The following RAB21 variants were observed in gnomAD, a reference collection of about 807,000 sequenced individuals.
RAB21 encodes the protein RAB21, member RAS oncogene family.
A neutral mutation model predicts 33.1 loss-of-function variants in RAB21; 13 were observed. The observed-to-expected ratio is 0.39, with a 90% CI of 0.26 to 0.62. The LOEUF is 0.62. RAB21 is among the 20% of genes least tolerant of loss of function. The probability of loss-of-function intolerance (pLI) is 0.48; values close to 1 mark genes in which losing one functional copy is unlikely to be tolerated. For synonymous variants in RAB21, 91 were observed against 103.7 expected, an observed-to-expected ratio of 0.88 and a Z score of 0.74; for missense variants, 234 against 279.1, an observed-to-expected ratio of 0.84 and a Z score of 1.15.
chr12:71,770,723 C>A, intron 3 of RAB21, 24 bp downstream of exon 3: 1 of 1,414,146 alleles, frequency 7.1e-7, no homozygotes, highest in South Asian at 1.2e-5. Context: ...GGGTAGATGT[C>A]TTAGAAGAAC....
In RAB21 at chr12:71,792,236, A is replaced by G. The variant is rs1205808600; in HGVS notation, c.*6563A>G. The G allele has an allele frequency of 2.0e-5, 3 of 152,224 alleles. No homozygotes were observed. Among genetic ancestry groups the G allele is most frequent in the African/African-American group, 4.8e-5 (2 of 41,456 alleles). 9.4% of individuals were successfully genotyped at this position (152,224 alleles called of 1,614,324 possible). On this transcript the variant is annotated 3_prime_UTR_variant, in exon 7 of 7. Coordinates refer to ENST00000261263, the MANE Select transcript of RAB21 (RefSeq NM_014999.4). ...ATAGTTCTGGAACTAGAAGTTAACTACTTACTGGACTTTTGAGATGTAAGT... is the reference window on the plus strand; with the variant it reads ...ATAGTTCTGGAACTAGAAGTTAACTGCTTACTGGACTTTTGAGATGTAAGT...
At chr12:71,768,008 A>G (rs1249777851) in intron 1 of RAB21, among the ~76,000 whole-genome samples, 10 of 152,226 alleles carry the variant, frequency 6.6e-5, no homozygotes, top group Admixed American at 5.2e-4. Flanking sequence ...CTCCTATGCT[A>G]GCATGAATGG....
chr12:71,778,034 A>G (rs1414522421), intron 4 of RAB21, among the ~76,000 whole-genome samples: 1 of 152,208 alleles, frequency 6.6e-6, no homozygotes, highest in East Asian at 1.9e-4. Context: ...GCTTGTTCTC[A>G]TGTAACTATT....
In RAB21 at chr12:71,784,009, T is replaced by C. The variant is rs1354083111; in HGVS notation, c.535+1351T>C. ...TATATAACATGTACAAGTACTAATATGTACATTTTAAAACATACCTAAAAA... is the reference window on the plus strand; with the variant it reads ...TATATAACATGTACAAGTACTAATACGTACATTTTAAAACATACCTAAAAA... On this transcript the variant is annotated intron_variant, in intron 6 of 6. Transcript: ENST00000261263. 2.6e-5 allele frequency among the ~76,000 whole-genome samples: 4 copies of C among 152,232 alleles called. 1 individual carries two copies. The South Asian group carries it at 6.2e-4, about 24-fold the overall frequency.
At chr12:71,782,177 T>A in intron 5 of RAB21, 92 bp downstream of exon 5, 1 of 1,191,582 alleles carries the variant, frequency 8.4e-7, no homozygotes, top group Non-Finnish European at 1.2e-6. Context: ...ATTACTCAAA[T>A]CTCTTAGCAT....
rs201592254 is a variant in RAB21 at position 71,785,705 on chromosome 12, C to T, written c.*32C>T. The T allele has an allele frequency of 2.5e-6, 4 of 1,611,838 alleles. No homozygotes were observed. The highest frequency in any genetic ancestry group is 3.4e-6 in the Non-Finnish European group (4 of 1,178,460). ...ACGCCTAAGAAATTAAAAGACAGAA[C>T]AAAACTGTGGATCATTGCCCTCAAC... On this transcript the variant is annotated 3_prime_UTR_variant, in exon 7 of 7. Coordinates refer to ENST00000261263, the MANE Select transcript of RAB21 (RefSeq NM_014999.4).
chr12:71,773,350 A>T (rs1323136994), intron 3 of RAB21, among the ~76,000 whole-genome samples: 1 of 152,172 alleles, frequency 6.6e-6, no homozygotes, highest in Non-Finnish European at 1.5e-5. Flanking sequence ...AGTGGGTAGG[A>T]AGTCAGGGAT....
At position 71,787,659 on chromosome 12, in the gene RAB21, G is replaced by A. The variant is rs1192880817; in HGVS notation, c.*1986G>A. ...ACTTAAACTGGGAGGCATTCTGTGAGCCTTCACTTTACCTTCTTTAATTAT... is the reference window on the plus strand; with the variant it reads ...ACTTAAACTGGGAGGCATTCTGTGAACCTTCACTTTACCTTCTTTAATTAT... On this transcript the variant is annotated 3_prime_UTR_variant, in exon 7 of 7. Coordinates refer to ENST00000261263, the MANE Select transcript of RAB21 (RefSeq NM_014999.4). 6.6e-6 allele frequency: 1 copy of A among 152,180 alleles called. No homozygotes were observed. The highest frequency in any genetic ancestry group is 1.5e-5 in the Non-Finnish European group (1 of 68,030). The allele number at this position is 152,180 out of a possible 1,614,324, so 9.4% of individuals were successfully genotyped here.
chr12:71,771,305 A>G (rs1035038443), intron 3 of RAB21, among the ~76,000 whole-genome samples: 4 of 152,324 alleles, frequency 2.6e-5, no homozygotes, highest in East Asian at 1.9e-4. Context: ...TTTCATCACA[A>G]TCAGATGGGT....
At chr12:71,772,609 A>G (rs1024321952) in intron 3 of RAB21, among the ~76,000 whole-genome samples, 2 of 152,180 alleles carry the variant, frequency 1.3e-5, no homozygotes, top group East Asian at 3.8e-4. Context: ...GTAGGTTGTG[A>G]TACTATATGC....
chr12:71,792,676 C>T lies in RAB21; in HGVS notation c.*7003C>T, dbSNP rs960259962. On this transcript the variant is annotated 3_prime_UTR_variant, in exon 7 of 7. Coordinates refer to ENST00000261263, the MANE Select transcript of RAB21 (RefSeq NM_014999.4). ...TTTTATGACTTTGGTTAGTTTCACTCATTTGTTGAGTGCCTTCTGTATGCC... is the reference window on the plus strand; with the variant it reads ...TTTTATGACTTTGGTTAGTTTCACTTATTTGTTGAGTGCCTTCTGTATGCC... The T allele has an allele frequency of 6.6e-6, 1 of 152,170 alleles. No individual in the cohort carries two copies. The highest frequency in any genetic ancestry group is 1.5e-5 in the Non-Finnish European group (1 of 68,034). 9.4% of individuals were successfully genotyped at this position (152,170 alleles called of 1,614,324 possible).
At position 71,755,078 on chromosome 12, in the gene RAB21, C is replaced by T; in HGVS notation, c.-52C>T. 1 of 1,050,448 alleles carries T rather than the reference C, an allele frequency of 9.5e-7. No homozygotes were observed. The highest frequency in any genetic ancestry group is 5.5e-5 in the Admixed American group (1 of 18,224). The allele number at this position is 1,050,448 out of a possible 1,614,324, so 65.1% of individuals were successfully genotyped here. A position where few individuals can be genotyped will look rare whatever the true frequency, so the allele number is the denominator to read the frequency against. Reference sequence around the variant, plus strand: ...CGTGGCTGTGAAGGCGCTGCCGCGGCTGTCGGGAGGGCGGCGCGACACTCG... The same window carrying T: ...CGTGGCTGTGAAGGCGCTGCCGCGGTTGTCGGGAGGGCGGCGCGACACTCG... On this transcript the variant is annotated 5_prime_UTR_variant, in exon 1 of 7. Transcript: ENST00000261263.
At chr12:71,760,932 G>C (rs1434645877) in intron 1 of RAB21, among the ~76,000 whole-genome samples, 2 of 152,048 alleles carry the variant, frequency 1.3e-5, no homozygotes, top group African/African-American at 4.8e-5. Context: ...TTGGCTGGGT[G>C]CAGTGGCTCG....
chr12:71,759,778 A>C (rs1354025331), intron 1 of RAB21, among the ~76,000 whole-genome samples: 3 of 152,238 alleles, frequency 2.0e-5, no homozygotes, highest in Non-Finnish European at 4.4e-5. Context: ...CAAATCTATT[A>C]GGAGGCCATA....
chr12:71,770,026 T>C (rs1883018581), intron 2 of RAB21, among the ~76,000 whole-genome samples, 167 bp downstream of exon 2: 1 of 152,172 alleles, frequency 6.6e-6, no homozygotes. Context: ...TGAATATTGC[T>C]GTCATAACTT....
rs2137650376 is a variant in RAB21, at chr12:71,773,941, G to A, written c.328-18G>A. 1.9e-6 allele frequency: 3 copies of A among 1,548,166 alleles called. No homozygotes were observed. Among genetic ancestry groups the A allele is most frequent in the Middle Eastern group, 3.4e-4 (2 of 5,932 alleles). On this transcript the variant is annotated intron_variant, in intron 3 of 6. Coordinates refer to ENST00000261263, the MANE Select transcript of RAB21 (RefSeq NM_014999.4). ...TCCAACAGGATTTGTTTTAATATGT[G>A]CTCTTTTGTATATACAGGTAAAAAA...
At chr12:71,775,595 G>GGT (rs369932931) in intron 4 of RAB21, among the ~76,000 whole-genome samples, 15 of 152,120 alleles carry the variant, frequency 9.9e-5, no homozygotes, top group African/African-American at 2.9e-4. Flanking sequence ...GGAATGCAGT[G>GGT]GTGTGATCTC....
intron 1 of RAB21, among the ~76,000 whole-genome samples, chr12:71,763,425 T>G (rs1351259601): frequency 6.6e-6 from 1 of 152,174 alleles, no homozygotes; most frequent in African/African-American, 2.4e-5. Context: ...TATTTCTCTC[T>G]TATAATCCTT....
Position 71,754,950 on chromosome 12 carries a change from C to G in RAB21, c.-180C>G. 1 of 445,152 alleles carries G rather than the reference C, an allele frequency of 2.2e-6. No homozygotes were observed. The highest frequency in any genetic ancestry group is 3.0e-6 in the Non-Finnish European group (1 of 333,326). 27.6% of individuals were successfully genotyped at this position (445,152 alleles called of 1,614,324 possible). ...GTGCCTGACGTGGTGGGCTGGGGCC[C>G]TTCATTCTCGGACTTTCCCTCAGCC... On this transcript the variant is annotated 5_prime_UTR_variant, in exon 1 of 7. Coordinates refer to ENST00000261263, the MANE Select transcript of RAB21 (RefSeq NM_014999.4).
Sources: allele counts gnomAD v4.1 joint callset (sites outside exome capture counted in the v4.1 genomes callset), GRCh38; gene constraint gnomAD v4.1.1; transcripts MANE v1.5; gene names NCBI Gene and HGNC (gene_info 2026-07-23, HGNC 2026-07-21).